The following SCAMP1 variants were observed in gnomAD, a reference collection of about 807,000 sequenced individuals.
The protein encoded by SCAMP1 is secretory carrier-associated membrane protein 1.
Under a neutral mutation model 41.8 loss-of-function variants are expected in SCAMP1, and 15 were observed. That is an observed-to-expected ratio of 0.36 (90% CI 0.24 to 0.55). The LOEUF (loss-of-function observed/expected upper bound fraction) is 0.55, where lower values mean the gene tolerates loss of function less well. SCAMP1 is among the 20% of genes least tolerant of loss of function. The pLI is 0.86. For missense variants in SCAMP1, 341 were observed against 412.6 expected, an observed-to-expected ratio of 0.83 and a Z score of 1.50; for synonymous variants, 135 against 136.8, an observed-to-expected ratio of 0.99 and a Z score of 0.09.
At chr5:78,396,270 A>G (rs886823161) in intron 2 of SCAMP1, among the ~76,000 whole-genome samples, 1 of 152,206 alleles carries the variant, frequency 6.6e-6, no homozygotes. Flanking sequence ...ATGATGTGTC[A>G]GTGAAGGTTC....
intron 6 of SCAMP1, among the ~76,000 whole-genome samples, chr5:78,443,636 A>G (rs1752982220): frequency 7.1e-6 from 1 of 140,936 alleles, no homozygotes; most frequent in Non-Finnish European, 1.5e-5. Flanking sequence ...TTTTAGCCAG[A>G]CTAGTGAGTG....
chr5:78,420,007 A>G (rs1033953904), intron 5 of SCAMP1, among the ~76,000 whole-genome samples: 1 of 152,108 alleles, frequency 6.6e-6, no homozygotes, highest in African/African-American at 2.4e-5. Flanking sequence ...TAATATATGC[A>G]TTTATATTTT....
chr5:78,409,552 T>C lies in SCAMP1; in HGVS notation c.136-5968T>C, dbSNP rs1267881990. ...ATGAAAAGAGGTCGTCCTCCAGAAT[T>C]CTACTTGGCTTGAGTTGGCTAATCC... On this transcript the variant is annotated intron_variant, in intron 2 of 8. Transcript: ENST00000621999. Among the ~76,000 whole-genome samples the C allele has an allele frequency of 2.0e-5, 3 of 152,286 alleles. No individual in the cohort carries two copies. The East Asian group carries it at 5.8e-4, about 29-fold the overall frequency.
intron 2 of SCAMP1, among the ~76,000 whole-genome samples, chr5:78,390,535 GAA>G (rs911376833): frequency 3.2e-4 from 49 of 152,270 alleles, no homozygotes; most frequent in African/African-American, 1.2e-3. Context: ...GGGAAAAAAA[GAA>G]GAGCTGGCAA....
At position 78,450,032 on chromosome 5, in the gene SCAMP1, T is replaced by C. The variant is rs112784381; in HGVS notation, c.732T>C (p.Asn244=). 6 of 1,532,060 alleles carry C rather than the reference T, an allele frequency of 3.9e-6. No homozygotes were observed. The highest frequency in any genetic ancestry group is 3.7e-5 in the South Asian group (3 of 80,816). 94.9% of individuals were successfully genotyped at this position (1,532,060 alleles called of 1,614,324 possible). Residue 244 remains asparagine (N), a splice_region_variant and synonymous_variant, in exon 7 of 9, where the codon AAT becomes AAC. Coordinates refer to ENST00000621999, the MANE Select transcript of SCAMP1 (RefSeq NM_004866.6). ...CTGCAGGATTTCATAACTGGGGCAATTGGTAAGTTTTTTTTTTTACTAGTT... is the reference window on the plus strand; with the variant it reads ...CTGCAGGATTTCATAACTGGGGCAACTGGTAAGTTTTTTTTTTTACTAGTT... ...LQAAGFHNWG[N]CGWISSLTGL...
chr5:78,440,240 T>A lies in SCAMP1; in HGVS notation c.633-9693T>A, dbSNP rs149004828. Among the ~76,000 whole-genome samples, 831 of 152,312 alleles carry A rather than the reference T, an allele frequency of 5.5e-3. 4 individuals carry two copies. Among genetic ancestry groups the A allele is most frequent in the African/African-American group, 0.019 (785 of 41,578 alleles). The stretch of plus-strand genomic sequence containing the variant: ...AAAGTCATTCTCCGTTCAGCTTTGT[T>A]CCCTTGCTGGTGAGGAGCTGTGTTC... On this transcript the variant is annotated intron_variant, in intron 6 of 8. Transcript: ENST00000621999.
intron 7 of SCAMP1, among the ~76,000 whole-genome samples, chr5:78,452,286 A>C: frequency 2.1e-5 from 3 of 143,614 alleles, no homozygotes; most frequent in East Asian, 2.1e-4. Flanking sequence ...TGCACCCACT[A>C]ACTCGTCATC....
chr5:78,478,144 C>T lies in SCAMP1; in HGVS notation c.*2476C>T, dbSNP rs1413319933. The T allele has an allele frequency of 6.6e-6, 1 of 152,520 alleles. No homozygotes were observed. The highest frequency in any genetic ancestry group is 2.4e-5 in the African/African-American group (1 of 41,420). The allele number at this position is 152,520 out of a possible 1,614,324, so 9.4% of individuals were successfully genotyped here. A position where few individuals can be genotyped will look rare whatever the true frequency, so the allele number is the denominator to read the frequency against. On this transcript the variant is annotated 3_prime_UTR_variant, in exon 9 of 9. Transcript: ENST00000621999. ...TTTGTCAGTAACTAATACTGCGCTG[C>T]CATCATGGTGACTGTCATGGTTCTA...
chr5:78,452,089 A>T (rs1753249281), intron 7 of SCAMP1, among the ~76,000 whole-genome samples: 1 of 152,210 alleles, frequency 6.6e-6, no homozygotes, highest in Non-Finnish European at 1.5e-5. Context: ...ATTTGTGAAT[A>T]GATTTTTGTG....
At chr5:78,365,661 AC>A (rs1750778294) in intron 1 of SCAMP1, among the ~76,000 whole-genome samples, 1 of 152,102 alleles carries the variant, frequency 6.6e-6, no homozygotes, top group South Asian at 2.1e-4. Context: ...GCTAGACTAG[AC>A]CAAGGTTGTC....
intron 1 of SCAMP1, among the ~76,000 whole-genome samples, chr5:78,379,339 G>A (rs979972358): frequency 1.3e-5 from 2 of 152,160 alleles, no homozygotes; most frequent in African/African-American, 4.8e-5. Flanking sequence ...TTTCAGTTTT[G>A]TTGTCTTCTC....
At chr5:78,459,552 A>G (rs536521964) in intron 8 of SCAMP1, among the ~76,000 whole-genome samples, 190 bp downstream of exon 8, 1 of 152,194 alleles carries the variant, frequency 6.6e-6, no homozygotes, top group Non-Finnish European at 1.5e-5. Flanking sequence ...CACATTTTAA[A>G]CTTCAGTAAA....
At chr5:78,414,956 C>CT (rs11318423) in intron 2 of SCAMP1, among the ~76,000 whole-genome samples, 5,220 of 139,154 alleles carry the variant, frequency 0.038, 320 homozygotes, top group African/African-American at 0.12. Context: ...CTCAAAAGTT[C>CT]TTTTTTTTTT....
chr5:78,464,519 C>T (rs1004649489), intron 8 of SCAMP1, among the ~76,000 whole-genome samples: 8 of 152,140 alleles, frequency 5.3e-5, no homozygotes, highest in Admixed American at 5.2e-4. Flanking sequence ...TTACAGGTTA[C>T]TTATATTCCC....
intron 6 of SCAMP1, among the ~76,000 whole-genome samples, chr5:78,433,228 G>A (rs1332981480): frequency 1.3e-5 from 2 of 152,048 alleles, no homozygotes; most frequent in Non-Finnish European, 2.9e-5. Flanking sequence ...ATGTGAATAT[G>A]GTTTTCTTGA....
chr5:78,419,954 A>T (rs1398710584), intron 5 of SCAMP1, among the ~76,000 whole-genome samples: 1 of 152,188 alleles, frequency 6.6e-6, no homozygotes, highest in Non-Finnish European at 1.5e-5. Context: ...TAAATGTCTG[A>T]TTCCATATAT....
At chr5:78,442,678 A>G (rs1274625861) in intron 6 of SCAMP1, among the ~76,000 whole-genome samples, 1 of 152,212 alleles carries the variant, frequency 6.6e-6, no homozygotes, top group Non-Finnish European at 1.5e-5. Context: ...GTTCAAAGGT[A>G]ATTTGAAAAT....
intron 8 of SCAMP1, among the ~76,000 whole-genome samples, chr5:78,461,765 T>C (rs562242818): frequency 6.6e-6 from 1 of 152,128 alleles, no homozygotes; most frequent in African/African-American, 2.4e-5. Context: ...GATTTCACCA[T>C]GTTGGCCAGG....
At chr5:78,384,322 T>C (rs1407187978) in intron 1 of SCAMP1, among the ~76,000 whole-genome samples, 1 of 152,158 alleles carries the variant, frequency 6.6e-6, no homozygotes, top group African/African-American at 2.4e-5. Context: ...GAAACTTTGC[T>C]GAATTCATTT....
Sources: allele counts gnomAD v4.1 joint callset (sites outside exome capture counted in the v4.1 genomes callset), GRCh38; gene constraint gnomAD v4.1.1; transcripts MANE v1.5; gene names NCBI Gene and HGNC (gene_info 2026-07-23, HGNC 2026-07-21).